The following GABBR2 variants were observed in gnomAD, a reference collection of about 807,000 sequenced individuals.
GABBR2 encodes the protein G-protein coupled receptor 51.
In GABBR2, 23 loss-of-function variants were observed where a neutral mutation model predicts 105.6. The ratio of observed to expected loss-of-function variants is 0.22; its 90% confidence interval spans 0.16 to 0.31. The LOEUF is 0.31. Among genes scored for constraint, GABBR2 ranks in the 10% least tolerant of loss-of-function variants. The pLI is 1.00. For synonymous variants in GABBR2, 478 were observed against 499.7 expected (o/e 0.96, Z 0.58); for missense variants, 734 against 1,245.5 (o/e 0.59, Z 6.18).
chr9:98,510,579 T>C (rs1827618585), intron 3 of GABBR2, among the ~76,000 whole-genome samples: 1 of 152,054 alleles, frequency 6.6e-6, no homozygotes, highest in Non-Finnish European at 1.5e-5. Flanking sequence ...GAGGAAGATC[T>C]ACCAAGCAAA....
At chr9:98,674,113 T>G (rs1830442415) in intron 1 of GABBR2, among the ~76,000 whole-genome samples, 1 of 149,424 alleles carries the variant, frequency 6.7e-6, no homozygotes, top group Non-Finnish European at 1.5e-5. Flanking sequence ...GAACAGGGGG[T>G]TTTTATAAAC....
At chr9:98,412,232 C>T (rs1005238612) in intron 7 of GABBR2, among the ~76,000 whole-genome samples, 3 of 152,218 alleles carry the variant, frequency 2.0e-5, no homozygotes, top group Non-Finnish European at 4.4e-5. Context: ...TGGGCAGGGG[C>T]GTGAAGCTAC....
intron 1 of GABBR2, chr9:98,608,000 G>A: frequency 7.8e-7 from 1 of 1,280,614 alleles, no homozygotes; most frequent in African/African-American, 1.5e-5. Context: ...TGGAAGCACA[G>A]CATAAACAAT....
intron 2 of GABBR2, among the ~76,000 whole-genome samples, chr9:98,569,802 C>T (rs1208913274): frequency 1.3e-5 from 2 of 152,182 alleles, no homozygotes; most frequent in Non-Finnish European, 2.9e-5. Context: ...ATGAATCTAC[C>T]TCAAATTCCA....
At chr9:98,533,897 G>A (rs1377098197) in intron 3 of GABBR2, among the ~76,000 whole-genome samples, 4 of 152,186 alleles carry the variant, frequency 2.6e-5, no homozygotes, top group African/African-American at 9.6e-5. Flanking sequence ...AGACCATAAA[G>A]GGTCTCGAGC....
intron 3 of GABBR2, among the ~76,000 whole-genome samples, chr9:98,509,686 T>C (rs1827596282): frequency 6.6e-6 from 1 of 151,858 alleles, no homozygotes; most frequent in South Asian, 2.1e-4. Flanking sequence ...GAAGATGAAA[T>C]GAATGAAATG....
intron 5 of GABBR2, among the ~76,000 whole-genome samples, chr9:98,477,305 C>T (rs898810562): frequency 4.6e-5 from 7 of 152,198 alleles, no homozygotes; most frequent in African/African-American, 1.7e-4. Flanking sequence ...TGTGGCATGA[C>T]CATGGGTCAC....
intron 13 of GABBR2, among the ~76,000 whole-genome samples, chr9:98,319,428 T>C (rs1830781047): frequency 6.6e-6 from 1 of 150,698 alleles, no homozygotes; most frequent in South Asian, 2.1e-4. Context: ...TTTTGTAGAA[T>C]GTTATGATTA....
intron 1 of GABBR2, among the ~76,000 whole-genome samples, chr9:98,597,444 C>A (rs1829254547): frequency 6.6e-6 from 1 of 152,226 alleles, no homozygotes; most frequent in African/African-American, 2.4e-5. Flanking sequence ...GCACACTTCA[C>A]AAGCATCATC....
At position 98,615,288 on chromosome 9, in the gene GABBR2, A is replaced by C. The variant is rs548651583; in HGVS notation, c.322-37216T>G. ...GCACAGAGAGTCCTCCTGGTGTGAG[A>C]TTTACTGAGGAAAGGAGGAAGGACC... On this transcript the variant is annotated intron_variant, in intron 1 of 18. Transcript: ENST00000259455. 1.7e-3 allele frequency among the ~76,000 whole-genome samples: 253 copies of C among 152,284 alleles called. 2 individuals carry two copies. Among genetic ancestry groups the C allele is most frequent in the African/African-American group, 5.4e-3 (223 of 41,558 alleles).
intron 3 of GABBR2, among the ~76,000 whole-genome samples, chr9:98,499,338 A>G (rs544843719): frequency 6.6e-6 from 1 of 152,338 alleles, no homozygotes; most frequent in East Asian, 1.9e-4. Context: ...CCCTCCCCTC[A>G]TTTCACAGAT....
intron 13 of GABBR2, among the ~76,000 whole-genome samples, chr9:98,336,843 T>A (rs796616384): frequency 2.1e-4 from 32 of 152,284 alleles, no homozygotes; most frequent in African/African-American, 7.2e-4. Context: ...CTATATTTGC[T>A]GTATATGTGA....
intron 7 of GABBR2, among the ~76,000 whole-genome samples, chr9:98,450,063 G>C (rs547480093): frequency 1.3e-5 from 2 of 152,306 alleles, no homozygotes; most frequent in East Asian, 1.9e-4. Context: ...TCCCGGCAGA[G>C]AGTGTGCATA....
At chr9:98,399,801 A>G (rs1564052047) in intron 8 of GABBR2, among the ~76,000 whole-genome samples, 1 of 152,220 alleles carries the variant, frequency 6.6e-6, no homozygotes. Flanking sequence ...CAAAGCCTAA[A>G]GCCAATAAGG....
intron 1 of GABBR2, among the ~76,000 whole-genome samples, chr9:98,603,635 A>G (rs1360467909): frequency 1.3e-5 from 2 of 152,322 alleles, no homozygotes; most frequent in East Asian, 3.9e-4. Flanking sequence ...GTCAGGCTCC[A>G]CCAGTGCACT....
chr9:98,339,475 T>G (rs1306029009), intron 13 of GABBR2, among the ~76,000 whole-genome samples: 5 of 152,198 alleles, frequency 3.3e-5, no homozygotes, highest in Non-Finnish European at 7.3e-5. Flanking sequence ...TTGCTCATTT[T>G]GCACCACCTG....
At chr9:98,618,818 G>A (rs1045908611) in intron 1 of GABBR2, among the ~76,000 whole-genome samples, 10 of 152,114 alleles carry the variant, frequency 6.6e-5, no homozygotes, top group Non-Finnish European at 1.3e-4. Context: ...GACAGGCCCA[G>A]AGGAGAAAGT....
At chr9:98,648,104 T>TA (rs1211806991) in intron 1 of GABBR2, among the ~76,000 whole-genome samples, 1 of 85,790 alleles carries the variant, frequency 1.2e-5, no homozygotes, top group Non-Finnish European at 2.4e-5. Context: ...TGTGTGTGTG[T>TA]GTGTGTGTGT....
chr9:98,503,214 C>T (rs1381486792), intron 3 of GABBR2, among the ~76,000 whole-genome samples: 1 of 152,152 alleles, frequency 6.6e-6, no homozygotes, highest in Admixed American at 6.5e-5. Context: ...ATGTGTACTT[C>T]CTGTGACGGG....
Sources: gnomAD v4.1 joint callset for allele counts (sites outside exome capture counted in the v4.1 genomes callset) on GRCh38, gnomAD v4.1.1 for gene constraint, MANE v1.5 for transcripts, NCBI Gene and HGNC (gene_info 2026-07-23, HGNC 2026-07-21) for gene names.